WWP2: variants seen among roughly 807,000 people sequenced by gnomAD.
WWP2 encodes the protein NEDD4-like E3 ubiquitin-protein ligase WWP2.
A neutral mutation model predicts 121.0 loss-of-function variants in WWP2; 57 were observed. The observed-to-expected ratio is 0.47, with a 90% CI of 0.38 to 0.59. WWP2 has a LOEUF of 0.59. WWP2 is among the 20% of genes least tolerant of loss of function. The pLI, the probability that WWP2 is intolerant of heterozygous loss-of-function variation, is 0.00. For missense variants in WWP2, 962 were observed against 1,158.9 expected (o/e 0.83, Z 2.47); for synonymous variants, 449 against 441.3 (o/e 1.02, Z -0.22).
At chr16:69,766,347 C>T (rs560040636) in intron 1 of WWP2, among the ~76,000 whole-genome samples, 2 of 152,300 alleles carry the variant, frequency 1.3e-5, no homozygotes, top group Admixed American at 6.5e-5. Flanking sequence ...CCCTCTTCCA[C>T]CCTGGCTGGC....
intron 7 of WWP2, among the ~76,000 whole-genome samples, chr16:69,877,729 GGA>G (rs145236505): frequency 0.039 from 5,935 of 150,544 alleles, 328 homozygotes; most frequent in African/African-American, 0.13. Flanking sequence ...TAGGGTATAA[GGA>G]GAGAGAGAGA....
At chr16:69,824,661 GT>G (rs1351776432) in intron 4 of WWP2, among the ~76,000 whole-genome samples, 1 of 151,652 alleles carries the variant, frequency 6.6e-6, no homozygotes, top group Non-Finnish European at 1.5e-5. Context: ...ACCCTCTTGA[GT>G]GGATAGAGTG....
chr16:69,830,138 A>G (rs112569706), intron 4 of WWP2, among the ~76,000 whole-genome samples: 136 of 152,216 alleles, frequency 8.9e-4, no homozygotes, highest in Middle Eastern at 6.8e-3. Flanking sequence ...TATTTTTAGT[A>G]GAGATGGGGT....
chr16:69,920,295 A>G (rs560489940), intron 10 of WWP2, among the ~76,000 whole-genome samples: 1 of 152,264 alleles, frequency 6.6e-6, no homozygotes, highest in East Asian at 1.9e-4. Context: ...CTCTCCAGCC[A>G]GGGCCCCGCT....
chr16:69,935,462 C>T lies in WWP2; in HGVS notation c.1843-391C>T, dbSNP rs1301028661. On this transcript the variant is annotated intron_variant, in intron 17 of 23. Transcript: ENST00000359154. This position sits in a 1 kb window ranked among gnomAD's most constrained non-coding sequence, Gnocchi z 5.2. ...TATTTTTGGCTGCCTTTGCCACCCA[C>T]CCTGAGCGCCAGTGAATCAGGGCTG... Among the ~76,000 whole-genome samples the T allele has an allele frequency of 6.6e-6, 1 of 152,254 alleles. No individual in the cohort carries two copies. Among genetic ancestry groups the T allele is most frequent in the East Asian group, 1.9e-4 (1 of 5,194 alleles).
intron 10 of WWP2, 130 bp downstream of exon 10, chr16:69,918,013 C>A: frequency 8.2e-7 from 1 of 1,221,038 alleles, no homozygotes; most frequent in Non-Finnish European, 1.1e-6. Context: ...TGCTCTGCCC[C>A]TGGAGATTTT....
intron 1 of WWP2, chr16:69,774,616 T>C (rs1005097403): frequency 6.6e-6 from 1 of 152,238 alleles, no homozygotes; most frequent in African/African-American, 2.4e-5. Flanking sequence ...TCCTTCAGCT[T>C]CTTCAGATCT....
chr16:69,929,466 G>C lies in WWP2; in HGVS notation c.1253G>C (p.Gly418Ala). 6.2e-7 allele frequency: 1 copy of C among 1,614,134 alleles called. No individual in the cohort carries two copies. ...GTGGCAGAGAAGAGACAGGACAATG[G>C]ACGGGTGTATTACGTGAACCATAAC... Reference protein sequence around the residue: ...PPGWEKRQDNGRVYYVNHNTR... With the variant: ...PPGWEKRQDNARVYYVNHNTR... Residue 418 changes from glycine (G) to alanine (A), a missense_variant, in exon 12 of 24, where the codon GGA becomes GCA. By Grantham distance (60) the Gly-to-Ala change is moderately conservative. This residue lies in a region of WWP2 where 606 missense variants were observed against 772.6 expected (regional missense o/e 0.78). Coordinates refer to ENST00000359154, the MANE Select transcript of WWP2 (RefSeq NM_001270454.2).
At position 69,866,103 on chromosome 16, in the gene WWP2, C is replaced by G. The variant is rs187974616; in HGVS notation, c.576-5701C>G. On this transcript the variant is annotated intron_variant, in intron 6 of 23. Transcript: ENST00000359154. ...GTTTTTAAGGTTTCTCTGGCGTCTT[C>G]TTGGCCAAGAGGGGGTCCATTCAGT... Among the ~76,000 whole-genome samples, 19 of 152,214 alleles carry G rather than the reference C, an allele frequency of 1.2e-4. No individual in the cohort carries two copies. In the East Asian group the frequency reaches 3.7e-3, roughly 29 times the overall value.
intron 4 of WWP2, among the ~76,000 whole-genome samples, chr16:69,821,963 G>A (rs2056601105): frequency 6.6e-6 from 1 of 151,786 alleles, no homozygotes; most frequent in Admixed American, 6.6e-5. Flanking sequence ...CAAACTTCTG[G>A]CTTTAAACGA....
chr16:69,936,591 G>T, intron 19 of WWP2, 139 bp downstream of exon 19: 1 of 1,277,864 alleles, frequency 7.8e-7, no homozygotes, highest in Non-Finnish European at 1.1e-6. Flanking sequence ...GGCTGCTGGT[G>T]GGCGGTCATG....
rs1262172853 is a variant in WWP2 at position 69,901,808 on chromosome 16, A to G, written c.915-6953A>G. Among the ~76,000 whole-genome samples, 6 of 152,122 alleles carry G rather than the reference A, an allele frequency of 3.9e-5. No individual in the cohort carries two copies. In the East Asian group the frequency reaches 5.8e-4, roughly 15 times the overall value. On this transcript the variant is annotated intron_variant, in intron 8 of 23. Transcript: ENST00000359154. ...CACTTGAAAAGAATTGCTGTTAGCC[A>G]GGCGTGGTGGCGAGTCCCTGTAATC... is the stretch of plus-strand genomic sequence containing the variant.
At chr16:69,882,278 A>T (rs766565108) in intron 7 of WWP2, among the ~76,000 whole-genome samples, 25 of 152,170 alleles carry the variant, frequency 1.6e-4, no homozygotes, top group Non-Finnish European at 2.4e-4. Flanking sequence ...TTTGTAAATG[A>T]TATTGTTATA....
chr16:69,894,192 C>T (rs1401894467), intron 8 of WWP2, among the ~76,000 whole-genome samples: 2 of 151,738 alleles, frequency 1.3e-5, no homozygotes, highest in East Asian at 1.9e-4. Flanking sequence ...ACTCCTGCCT[C>T]GGCCTCCCGA....
chr16:69,781,692 A>G (rs2055668038), intron 1 of WWP2, among the ~76,000 whole-genome samples: 1 of 152,094 alleles, frequency 6.6e-6, no homozygotes, highest in Admixed American at 6.6e-5. Context: ...CTATAACTGG[A>G]TAATAGAAAC....
chr16:69,899,869 A>AT (rs1403453222), intron 8 of WWP2, among the ~76,000 whole-genome samples: 1 of 152,138 alleles, frequency 6.6e-6, no homozygotes, highest in Non-Finnish European at 1.5e-5. Flanking sequence ...GAAAAACAAT[A>AT]TATAATTTCT....
At chr16:69,768,504 G>T (rs2055348068) in intron 1 of WWP2, among the ~76,000 whole-genome samples, 1 of 152,146 alleles carries the variant, frequency 6.6e-6, no homozygotes, top group South Asian at 2.1e-4. Flanking sequence ...CAGCTACTTG[G>T]GAGCCTGAGG....
chr16:69,873,749 G>T (rs1220391037), intron 7 of WWP2, among the ~76,000 whole-genome samples: 1 of 152,202 alleles, frequency 6.6e-6, no homozygotes, highest in Non-Finnish European at 1.5e-5. Context: ...ATTCCCAGGT[G>T]CCATGGCAGA....
At position 69,856,793 on chromosome 16, in the gene WWP2, A is replaced by T. The variant is rs372355943; in HGVS notation, c.575+14673A>T. Among the ~76,000 whole-genome samples the T allele has an allele frequency of 3.3e-5, 5 of 152,172 alleles. No individual in the cohort carries two copies. The East Asian group carries it at 5.8e-4, about 18-fold the overall frequency. ...TATCTCAAAAATAAAAAATAAAAAA[A>T]AAATACAACAACAACAACAAAACCC... On this transcript the variant is annotated intron_variant, in intron 6 of 23. Transcript: ENST00000359154.
Sources: allele counts gnomAD v4.1 joint callset (sites outside exome capture counted in the v4.1 genomes callset), GRCh38; gene constraint gnomAD v4.1.1; regional missense constraint gnomAD v4.1.1; non-coding constraint Gnocchi (gnomAD v3.1); transcripts MANE v1.5; gene names NCBI Gene and HGNC (gene_info 2026-07-23, HGNC 2026-07-21).